CACNA1A: variants seen among roughly 807,000 people sequenced by gnomAD.
The protein encoded by CACNA1A is voltage-dependent P/Q-type calcium channel subunit alpha-1A.
Under a neutral mutation model 262.4 loss-of-function variants are expected in CACNA1A, and 57 were observed. That is an observed-to-expected ratio of 0.22 (90% CI 0.18 to 0.27). The LOEUF is 0.27. CACNA1A is among the 10% of genes least tolerant of loss of function. The pLI, the probability that CACNA1A is intolerant of heterozygous loss-of-function variation, is 1.00. For synonymous variants in CACNA1A, 1,431 were observed against 1,419.3 expected (o/e 1.01, Z -0.18); for missense variants, 2,526 against 3,562.8 (o/e 0.71, Z 7.41).
chr19:13,248,409 CAAAAAAA>C (rs61481896), intron 30 of CACNA1A, among the ~76,000 whole-genome samples: 1,094 of 58,846 alleles, frequency 0.019, 22 homozygotes, highest in African/African-American at 0.054. Context: ...GATCCCATCT[CAAAAAAA>C]AAAAAAAAAA....
rs574560740 is a variant in CACNA1A at position 13,368,946 on chromosome 19, G to A, written c.631+2742C>T. On this transcript the variant is annotated intron_variant, in intron 4 of 46. Coordinates refer to ENST00000360228, the MANE Select transcript of CACNA1A (RefSeq NM_001127222.2). ...CCAGCTACTCGGGAGGCTGAGGCAGGAGAATGGCGTGAACCCGGGAGGCGG... is the reference window on the plus strand; with the variant it reads ...CCAGCTACTCGGGAGGCTGAGGCAGAAGAATGGCGTGAACCCGGGAGGCGG... Among the ~76,000 whole-genome samples, 12 of 141,788 alleles carry A rather than the reference G, an allele frequency of 8.5e-5. 1 individual carries two copies. The East Asian group carries it at 2.3e-3, about 27-fold the overall frequency. 93.0% of individuals were successfully genotyped at this position (141,788 alleles called of 152,430 possible). A position where few individuals can be genotyped will look rare whatever the true frequency, so the allele number is the denominator to read the frequency against.
chr19:13,292,983 C>A (rs2057577361), intron 19 of CACNA1A, among the ~76,000 whole-genome samples: 1 of 152,102 alleles, frequency 6.6e-6, no homozygotes, highest in African/African-American at 2.4e-5. Context: ...CAGTACTCCC[C>A]TGGTTCAGAA....
chr19:13,398,856 TG>T (rs2059852252), intron 3 of CACNA1A, among the ~76,000 whole-genome samples: 1 of 152,246 alleles, frequency 6.6e-6, no homozygotes, highest in Non-Finnish European at 1.5e-5. Context: ...TCTCATTCTC[TG>T]GGCAAACAAA....
chr19:13,214,579 C>T lies in CACNA1A; in HGVS notation c.5761G>A (p.Glu1921Lys), dbSNP rs2144537759. Reference sequence around the variant, plus strand: ...ATCGCCATCATCTCCTTCCGCAGCTCAGCGTCCATCTGCTGTTTGTCGGCT... The same window carrying T: ...ATCGCCATCATCTCCTTCCGCAGCTTAGCGTCCATCTGCTGTTTGTCGGCT... ...GGADKQQMDA[E>K]LRKEMMAIWP... Residue 1921 changes from glutamate (E) to lysine (K), a missense_variant, in exon 39 of 47, where the codon GAG becomes AAG. By Grantham distance (56) the Glu-to-Lys change is moderately conservative. Transcript: ENST00000360228. This position sits in a 1 kb window ranked among gnomAD's most constrained non-coding sequence, Gnocchi z 4.1. The T allele has an allele frequency of 6.2e-7, 1 of 1,613,946 alleles. No homozygotes were observed. Among genetic ancestry groups the T allele is most frequent in the South Asian group, 1.1e-5 (1 of 91,046 alleles).
At chr19:13,379,107 T>C (rs1252732663) in intron 3 of CACNA1A, among the ~76,000 whole-genome samples, 1 of 151,880 alleles carries the variant, frequency 6.6e-6, no homozygotes, top group Non-Finnish European at 1.5e-5. Context: ...CAGCCTCTCA[T>C]GTAGCTGGGA....
intron 4 of CACNA1A, chr19:13,371,330 TG>T (rs1247097617): frequency 4.9e-6 from 1 of 203,998 alleles, no homozygotes; most frequent in Non-Finnish European, 1.0e-5. Flanking sequence ...CACAAAACCC[TG>T]CTCCAATGTT....
At position 13,307,829 on chromosome 19, in the gene CACNA1A, G is replaced by A; in HGVS notation, c.1939C>T (p.Pro647Ser). ...GQFNFDEGTP[P>S]TNFDTFPAAI... ...GCTGGAAAAGTATCGAAGTTGGTGG[G>A]AGGAGTCCCTTCATCGAAATTAAAC... Residue 647 changes from proline (P) to serine (S), a missense_variant, in exon 15 of 47, where the codon CCC becomes TCC. Physicochemically the swap from Pro to Ser is moderately conservative, Grantham distance 74. This residue lies in a region of CACNA1A where 102 missense variants were observed against 278.9 expected (regional missense o/e 0.37). Transcript: ENST00000360228. The A allele has an allele frequency of 6.2e-7, 1 of 1,614,024 alleles. No individual in the cohort carries two copies. The highest frequency in any genetic ancestry group is 8.5e-7 in the Non-Finnish European group (1 of 1,179,888).
At chr19:13,254,949 G>C in intron 29 of CACNA1A, 146 bp downstream of exon 29, 1 of 769,320 alleles carries the variant, frequency 1.3e-6, no homozygotes, top group Non-Finnish European at 2.1e-6. Context: ...CAGTGTGTCA[G>C]GTAGAGGGAA....
At chr19:13,327,917 G>A (rs1287688122) in intron 10 of CACNA1A, among the ~76,000 whole-genome samples, 1 of 151,994 alleles carries the variant, frequency 6.6e-6, no homozygotes, top group East Asian at 1.9e-4. Flanking sequence ...ATTTTTTTAA[G>A]AGACAGGTTC....
At chr19:13,297,874 T>C (rs1411756592) in intron 19 of CACNA1A, among the ~76,000 whole-genome samples, 1 of 151,944 alleles carries the variant, frequency 6.6e-6, no homozygotes, top group African/African-American at 2.4e-5. Flanking sequence ...TTGCCCAGGC[T>C]GGAGTGTGAT....
At chr19:13,488,919 A>G (rs1304379366) in intron 1 of CACNA1A, among the ~76,000 whole-genome samples, 2 of 151,966 alleles carry the variant, frequency 1.3e-5, no homozygotes, top group African/African-American at 4.8e-5. Flanking sequence ...AGTGGTCACT[A>G]AGCCACACAG....
chr19:13,238,878 T>G (rs1280563139), intron 31 of CACNA1A, among the ~76,000 whole-genome samples: 2 of 151,958 alleles, frequency 1.3e-5, no homozygotes, highest in African/African-American at 4.8e-5. Flanking sequence ...TGAGTCACCG[T>G]GCTCAGCCTA....
chr19:13,212,349 C>T lies in CACNA1A; in HGVS notation c.6189+35G>A, dbSNP rs143518953. 494 of 1,612,720 alleles carry T rather than the reference C, an allele frequency of 3.1e-4. 3 individuals carry two copies. The African/African-American group carries it at 5.5e-3, about 18-fold the overall frequency. On this transcript the variant is annotated intron_variant, in intron 42 of 46. Transcript: ENST00000360228. The surrounding 1 kb of genome is among the most constrained non-coding windows in gnomAD (Gnocchi z 5.6). ...CCCTTCCACCTGAACCACCCGGGCC[C>T]TGGGAGCCATTGGGGAGTTGGGGGA... is the stretch of plus-strand genomic sequence containing the variant.
At chr19:13,404,440 T>C (rs2059966286) in intron 3 of CACNA1A, among the ~76,000 whole-genome samples, 1 of 152,164 alleles carries the variant, frequency 6.6e-6, no homozygotes. Flanking sequence ...GTGCTGGCGC[T>C]GGAGTCAATT....
intron 7 of CACNA1A, among the ~76,000 whole-genome samples, chr19:13,334,990 C>T (rs2058539039): frequency 6.6e-6 from 1 of 151,500 alleles, no homozygotes; most frequent in Admixed American, 6.6e-5. Flanking sequence ...GCTATGATCG[C>T]CCCCTACACT....
In CACNA1A at chr19:13,396,692, C is replaced by T. The variant is rs568046880; in HGVS notation, c.540-24913G>A. ...TGAATTATAGAGTGGATTACATAAT[C>T]GAGGGCGTGCAGTCCGTCACATGAT... On this transcript the variant is annotated intron_variant, in intron 3 of 46. Coordinates refer to ENST00000360228, the MANE Select transcript of CACNA1A (RefSeq NM_001127222.2). Among the ~76,000 whole-genome samples, 260 of 152,304 alleles carry T rather than the reference C, an allele frequency of 1.7e-3. 3 individuals carry two copies. In the Middle Eastern group the frequency reaches 0.037, roughly 22 times the overall value.
chr19:13,376,969 A>G (rs1599321055), intron 3 of CACNA1A, among the ~76,000 whole-genome samples: 2 of 139,438 alleles, frequency 1.4e-5, no homozygotes, highest in South Asian at 2.2e-4. Flanking sequence ...ATATATATAT[A>G]TGTATTTTAG....
intron 3 of CACNA1A, chr19:13,452,045 A>G (rs12611177): frequency 0.2 from 31,078 of 151,854 alleles, 4,421 homozygotes; most frequent in East Asian, 0.51. Context: ...GTGTTGCCCA[A>G]GCTGGTCTTG....
rs200536510 is a variant in CACNA1A, at chr19:13,469,457, CCT to C, written c.294-14247_294-14246del. ...TTTCCAGCATCCTTGTCTTGAACCA[CCT>C]CTTTTTTTTTTTTTTTTTTTTTTTT... On this transcript the variant is annotated intron_variant, in intron 1 of 46. Transcript: ENST00000360228. 7.1e-3 allele frequency among the ~76,000 whole-genome samples: 997 copies of C among 140,286 alleles called. 91 individuals carry two copies. In the East Asian group the frequency reaches 0.083, roughly 12 times the overall value. The allele number at this position is 140,286 out of a possible 152,430, so 92.0% of individuals were successfully genotyped here.
Sources: gnomAD v4.1 joint callset for allele counts (sites outside exome capture counted in the v4.1 genomes callset) on GRCh38, gnomAD v4.1.1 for gene constraint, gnomAD v4.1.1 regional missense constraint, Gnocchi (gnomAD v3.1) non-coding constraint, MANE v1.5 for transcripts, NCBI Gene and HGNC (gene_info 2026-07-23, HGNC 2026-07-21) for gene names.